Variants in ERG observed in about 807,000 individuals in gnomAD.
The protein encoded by ERG is ETS transcription factor ERG, also known as transcriptional regulator ERG.
Under a neutral mutation model 55.3 loss-of-function variants are expected in ERG, and 9 were observed. The observed-to-expected ratio is 0.16, with a 90% CI of 0.10 to 0.28. The LOEUF is 0.28. ERG is among the 10% of genes least tolerant of loss of function. The pLI is 1.00. For missense variants in ERG, 434 were observed against 631.6 expected (o/e 0.69, Z 3.35); for synonymous variants, 223 against 237.3 (o/e 0.94, Z 0.55).
chr21:38,384,736 C>T (rs1421565510), intron 9 of ERG, among the ~76,000 whole-genome samples: 4 of 151,734 alleles, frequency 2.6e-5, no homozygotes, highest in Non-Finnish European at 5.9e-5. Context: ...AAGTAAACAC[C>T]ATTATTTCTA....
chr21:38,539,827 G>C (rs575549524), intron 2 of ERG, among the ~76,000 whole-genome samples: 1 of 151,924 alleles, frequency 6.6e-6, no homozygotes, highest in Non-Finnish European at 1.5e-5. Flanking sequence ...GTCTTGGAGG[G>C]TGAAGCATTT....
chr21:38,635,393 A>G (rs2060382183), intron 1 of ERG, among the ~76,000 whole-genome samples: 1 of 152,180 alleles, frequency 6.6e-6, no homozygotes, highest in African/African-American at 2.4e-5. Context: ...GTGCCAACCT[A>G]GATTTATCAA....
At chr21:38,469,194 C>A (rs910354702) in intron 1 of ERG, among the ~76,000 whole-genome samples, 4 of 152,044 alleles carry the variant, frequency 2.6e-5, no homozygotes, top group Admixed American at 2.6e-4. Flanking sequence ...TAAAGTCCAG[C>A]CTCATCCTCA....
chr21:38,501,054 G>A (rs941940768), upstream of ERG, among the ~76,000 whole-genome samples: 2 of 149,160 alleles, frequency 1.3e-5, no homozygotes, highest in East Asian at 2.0e-4. Context: ...GATAGGACAA[G>A]GCACATCTTT....
At chr21:38,643,942 C>A (rs1193207407) in intron 1 of ERG, among the ~76,000 whole-genome samples, 11 of 152,228 alleles carry the variant, frequency 7.2e-5, no homozygotes, top group Admixed American at 5.9e-4. Context: ...CAGACACCAT[C>A]CACTGCCAGA....
intron 2 of ERG, among the ~76,000 whole-genome samples, chr21:38,535,325 T>A (rs79020485): frequency 6.6e-6 from 1 of 152,094 alleles, no homozygotes; most frequent in Non-Finnish European, 1.5e-5. Context: ...TTTTGCAAGG[T>A]AAAGAAGTTC....
In ERG at chr21:38,545,683, G is replaced by A. The variant is rs117015294; in HGVS notation, c.-41+29979C>T. 1.3e-3 allele frequency among the ~76,000 whole-genome samples: 205 copies of A among 152,312 alleles called. 1 individual carries two copies. The highest frequency in any genetic ancestry group is 2.4e-3 in the Non-Finnish European group (165 of 68,036). Reference sequence around the variant, plus strand: ...CTCAGACACAACGATAAACATGATAGAGACCATCAACATGCCTTGGCATTT... The same window carrying A: ...CTCAGACACAACGATAAACATGATAAAGACCATCAACATGCCTTGGCATTT... On this transcript the variant is annotated intron_variant, in intron 2 of 8. Coordinates refer to the ERG transcript ENST00000398897.
intron 1 of ERG, among the ~76,000 whole-genome samples, chr21:38,480,757 T>C (rs1391015121): frequency 1.3e-5 from 2 of 152,126 alleles, no homozygotes; most frequent in African/African-American, 2.4e-5. Flanking sequence ...CTCCTTTGCC[T>C]GACCATGCCC....
Position 38,381,295 on chromosome 21 carries a change from C to T in ERG, c.*2108G>A, listed in dbSNP as rs370921292. 20 of 1,064,798 alleles carry T rather than the reference C, an allele frequency of 1.9e-5. No individual in the cohort carries two copies. Among genetic ancestry groups the T allele is most frequent in the African/African-American group, 1.8e-4 (11 of 61,062 alleles). The allele number at this position is 1,064,798 out of a possible 1,614,324, so 66.0% of individuals were successfully genotyped here. A position where few individuals can be genotyped will look rare whatever the true frequency, so the allele number is the denominator to read the frequency against. On this transcript the variant is annotated 3_prime_UTR_variant, in exon 10 of 10. Coordinates refer to ENST00000288319, the MANE Select transcript of ERG (RefSeq NM_182918.4). ...AGATGTTTCGGCTAGCGCCTTCGCA[C>T]GGTCACCTTGTATTTTCACCTTTTG...
At chr21:38,464,946 T>C (rs1420466366) in intron 1 of ERG, among the ~76,000 whole-genome samples, 1 of 152,194 alleles carries the variant, frequency 6.6e-6, no homozygotes, top group African/African-American at 2.4e-5. Context: ...TGCCACATTT[T>C]CTTTATCCAG....
intron 6 of ERG, among the ~76,000 whole-genome samples, chr21:38,397,911 G>GTAA (rs1569064397): frequency 6.6e-6 from 1 of 152,176 alleles, no homozygotes; most frequent in Non-Finnish European, 1.5e-5. Flanking sequence ...TTACCTAGGA[G>GTAA]CCTGGCTTGC....
At chr21:38,369,250 C>A in the ERG span, among the ~76,000 whole-genome samples, 3 of 152,180 alleles carry the variant, frequency 2.0e-5, no homozygotes, top group Non-Finnish European at 4.4e-5. Context: ...ATAAGCATTC[C>A]TTTTTATTCA....
chr21:38,530,585 A>T (rs946479895), intron 2 of ERG, among the ~76,000 whole-genome samples: 1 of 152,172 alleles, frequency 6.6e-6, no homozygotes, highest in Non-Finnish European at 1.5e-5. Context: ...AGAGTCCTCA[A>T]TTCGGTGTAG....
At chr21:38,581,861 G>A (rs2060030855) in intron 1 of ERG, among the ~76,000 whole-genome samples, 1 of 152,050 alleles carries the variant, frequency 6.6e-6, no homozygotes, top group East Asian at 1.9e-4. Context: ...GGTTAACACG[G>A]TGAAACCCCA....
chr21:38,468,379 A>G (rs980830704), intron 1 of ERG, among the ~76,000 whole-genome samples: 1 of 152,232 alleles, frequency 6.6e-6, no homozygotes, highest in Non-Finnish European at 1.5e-5. Context: ...TGGAATGCAT[A>G]CTGTAAACTT....
intron 1 of ERG, among the ~76,000 whole-genome samples, chr21:38,491,990 TAGATAACATAAAGTAAC>T (rs2059340555): frequency 1.3e-5 from 1 of 77,256 alleles, no homozygotes. Flanking sequence ...CCCAGAAGAG[TAGATAACATAAAGTAAC>T]CAGCGATAAT....
In ERG at chr21:38,429,614, CAT is replaced by C. The variant is rs1318092816; in HGVS notation, c.237-6055_237-6054del. On this transcript the variant is annotated intron_variant, in intron 2 of 9. Coordinates refer to ENST00000288319, the MANE Select transcript of ERG (RefSeq NM_182918.4). ...GTATATGTACATGTATACACATGTA[CAT>C]ATATACATATGTGTATATATACATG... Among the ~76,000 whole-genome samples the C allele has an allele frequency of 2.1e-5, 3 of 144,796 alleles. 1 individual carries two copies. Among genetic ancestry groups the C allele is most frequent in the Non-Finnish European group, 3.0e-5 (2 of 66,362 alleles). 95.0% of individuals were successfully genotyped at this position (144,796 alleles called of 152,430 possible).
chr21:38,531,356 G>A (rs1030705550), intron 2 of ERG, among the ~76,000 whole-genome samples: 2 of 152,192 alleles, frequency 1.3e-5, no homozygotes, highest in Non-Finnish European at 2.9e-5. Context: ...ACATGGTTTT[G>A]TGAGGACTTT....
At chr21:38,478,170 C>G (rs1190911720) in intron 1 of ERG, among the ~76,000 whole-genome samples, 1 of 152,214 alleles carries the variant, frequency 6.6e-6, no homozygotes, top group Non-Finnish European at 1.5e-5. Flanking sequence ...TGGAGAGTGG[C>G]ATGGTAGAGG....
Sources: gnomAD v4.1 joint callset for allele counts (sites outside exome capture counted in the v4.1 genomes callset) on GRCh38, gnomAD v4.1.1 for gene constraint, MANE v1.5 for transcripts, NCBI Gene and HGNC (gene_info 2026-07-23, HGNC 2026-07-21) for gene names.